The following TVP23C variants were observed in gnomAD, a reference collection of about 807,000 sequenced individuals.
TVP23C encodes trans-golgi network vesicle protein 23 homolog C, also known as Golgi apparatus membrane protein TVP23 homolog C.
Under a neutral mutation model 28.7 loss-of-function variants are expected in TVP23C, and 19 were observed. The observed-to-expected ratio is 0.66, with a 90% CI of 0.46 to 0.97. TVP23C has a LOEUF of 0.97. Among genes scored for constraint, TVP23C ranks in the 50% least tolerant of loss-of-function variants. TVP23C has a pLI of 0.00. For synonymous variants in TVP23C, 68 were observed against 81.7 expected (o/e 0.83, Z 0.90); for missense variants, 186 against 241.3 (o/e 0.77, Z 1.52).
chr17:15,557,003 A>G (rs2150862029), intron 1 of TVP23C, among the ~76,000 whole-genome samples: 1 of 150,182 alleles, frequency 6.7e-6, no homozygotes, highest in South Asian at 2.1e-4. Context: ...CTGTTACTAC[A>G]TGGTCTCTAA....
intron 5 of TVP23C, among the ~76,000 whole-genome samples, chr17:15,526,651 C>A (rs941825748): frequency 3.9e-5 from 6 of 152,190 alleles, no homozygotes; most frequent in African/African-American, 1.4e-4. Context: ...TCTTACTAAA[C>A]CAAGTAAATT....
intron 5 of TVP23C, among the ~76,000 whole-genome samples, chr17:15,544,875 A>G (rs935309587): frequency 6.6e-6 from 1 of 152,132 alleles, no homozygotes; most frequent in Non-Finnish European, 1.5e-5. Context: ...CTAAGAAAAT[A>G]CTACAAATTA....
intron 4 of TVP23C, 91 bp from the exon 5 acceptor site, chr17:15,546,007 T>C (rs1983631572): frequency 7.9e-6 from 12 of 1,522,196 alleles, no homozygotes; most frequent in Non-Finnish European, 7.1e-6. Flanking sequence ...ACCCACAAGT[T>C]CAAATATTAA....
downstream of TVP23C, among the ~76,000 whole-genome samples, chr17:15,535,305 C>T (rs1381422925): frequency 6.6e-6 from 1 of 151,520 alleles, no homozygotes; most frequent in South Asian, 2.1e-4. Flanking sequence ...AATTCCAAGA[C>T]TAATCATTAA....
intron 5 of TVP23C, among the ~76,000 whole-genome samples, chr17:15,512,117 G>C (rs1048550250): frequency 6.6e-6 from 1 of 152,122 alleles, no homozygotes; most frequent in Non-Finnish European, 1.5e-5. Context: ...CTTGTCCTGG[G>C]ACCACACTTG....
chr17:15,546,625 G>A (rs1488525100), intron 4 of TVP23C, among the ~76,000 whole-genome samples: 2 of 148,196 alleles, frequency 1.3e-5, no homozygotes, highest in African/African-American at 2.5e-5. Context: ...GGAATAGAGT[G>A]CTCCAATCAG....
At chr17:15,523,591 G>A (rs1982579808) in intron 5 of TVP23C, among the ~76,000 whole-genome samples, 1 of 151,658 alleles carries the variant, frequency 6.6e-6, no homozygotes, top group Admixed American at 6.6e-5. Flanking sequence ...TTACAGGCAT[G>A]AGCACTGCAC....
intron 5 of TVP23C, among the ~76,000 whole-genome samples, chr17:15,509,443 C>CG (rs1402275931): frequency 6.6e-6 from 1 of 152,250 alleles, no homozygotes; most frequent in Non-Finnish European, 1.5e-5. Context: ...TGAATATCAG[C>CG]GCTGACCGCA....
At chr17:15,534,602 CACACACA>C (rs1983079579), downstream of TVP23C, among the ~76,000 whole-genome samples, 1 of 148,724 alleles carries the variant, frequency 6.7e-6, no homozygotes, top group African/African-American at 2.5e-5. Context: ...CACACACACA[CACACACA>C]CACCCTTACC....
chr17:15,536,681 T>C (rs2150845738), downstream of TVP23C, among the ~76,000 whole-genome samples: 1 of 151,572 alleles, frequency 6.6e-6, no homozygotes, highest in Middle Eastern at 3.4e-3. Context: ...CCTAAAGATT[T>C]AGGTTAGATC....
At chr17:15,505,500 G>C (rs1047706980) in intron 5 of TVP23C, among the ~76,000 whole-genome samples, 2 of 152,142 alleles carry the variant, frequency 1.3e-5, no homozygotes, top group African/African-American at 4.8e-5. Flanking sequence ...CACCGCCACC[G>C]GGAGCCCCAT....
intron 5 of TVP23C, among the ~76,000 whole-genome samples, chr17:15,541,615 T>C (rs1292266626): frequency 6.6e-6 from 1 of 152,138 alleles, no homozygotes; most frequent in Admixed American, 6.6e-5. Context: ...CTTAACAAGA[T>C]GTATAGCTGA....
chr17:15,518,634 A>T (rs1477057595), intron 5 of TVP23C, among the ~76,000 whole-genome samples: 1 of 152,192 alleles, frequency 6.6e-6, no homozygotes, highest in Non-Finnish European at 1.5e-5. Context: ...TAATTAATTA[A>T]AAGTGATTGT....
At chr17:15,502,461 C>T (rs115884539) in exon 6 of TVP23C, 5 of 175,396 alleles carry the variant, frequency 2.9e-5, no homozygotes, top group East Asian at 1.5e-4. Flanking sequence ...CCCTCTTCGT[C>T]CTCGCCTAGG....
intron 5 of TVP23C, chr17:15,503,398 A>G (rs145760494): frequency 0.031 from 26,631 of 854,798 alleles, 558 homozygotes; most frequent in Non-Finnish European, 0.039. Context: ...GAGCAAGACC[A>G]TGATATTTCA....
intron 5 of TVP23C, among the ~76,000 whole-genome samples, chr17:15,518,495 G>T (rs1489746462): frequency 6.6e-6 from 1 of 152,200 alleles, no homozygotes; most frequent in Admixed American, 6.5e-5. Context: ...GAAAGCAGAT[G>T]ACAGCTGGGC....
At chr17:15,556,584 T>G (rs1226721106) in intron 1 of TVP23C, among the ~76,000 whole-genome samples, 1 of 151,958 alleles carries the variant, frequency 6.6e-6, no homozygotes, top group African/African-American at 2.4e-5. Flanking sequence ...GGAGATTTCA[T>G]GACCTTGTGA....
At chr17:15,545,246 C>T (rs1983590361) in intron 5 of TVP23C, among the ~76,000 whole-genome samples, 1 of 152,104 alleles carries the variant, frequency 6.6e-6, no homozygotes, top group Non-Finnish European at 1.5e-5. Flanking sequence ...TGGGCTGCCA[C>T]GTAAGCAGTC....
Position 15,540,412 on chromosome 17 carries a change from T to A in TVP23C, c.612A>T (p.Ter204CysextTer20), listed in dbSNP as rs757529622. Residue 204 changes from the stop codon to cysteine (C), a stop_lost, in exon 6 of 6, where the codon TGA becomes TGT. Coordinates refer to ENST00000518321, the MANE Select transcript of TVP23C (RefSeq NM_001135036.2). ...TAGAAATAATTGCATTAGTCACTGA[T>A]CACATCCAGAAAACACTTACTTGTC... ...FLRQVSVFWM[*>C] 6 of 1,592,268 alleles carry A rather than the reference T, an allele frequency of 3.8e-6. No homozygotes were observed. The African/African-American group carries it at 6.9e-5, about 18-fold the overall frequency.
Sources: allele counts gnomAD v4.1 joint callset (sites outside exome capture counted in the v4.1 genomes callset), GRCh38; gene constraint gnomAD v4.1.1; transcripts MANE v1.5; gene names NCBI Gene and HGNC (gene_info 2026-07-23, HGNC 2026-07-21).